Variants in NBDY observed in about 807,000 individuals in gnomAD.
The protein encoded by NBDY is P-body dissociating protein.
At chrX:56,767,602 G>C (rs2069673903) in intron 2 of NBDY, among the ~76,000 whole-genome samples, 2 of 113,552 alleles carry the variant, frequency 1.8e-5, no homozygotes, top group African/African-American at 6.4e-5. Context: ...AGTTGGACCT[G>C]CCTGCCCAGG....
At chrX:56,738,522 G>A (rs1295724114) in intron 2 of NBDY, among the ~76,000 whole-genome samples, 1 of 112,127 alleles carries the variant, frequency 8.9e-6, no homozygotes, top group Non-Finnish European at 1.9e-5. Context: ...TCAAATCTGG[G>A]CCTCTGGAAC....
chrX:56,730,440 G>A (rs1376254953), intron 1 of NBDY, among the ~76,000 whole-genome samples: 3 of 99,528 alleles, frequency 3.0e-5, no homozygotes, highest in Non-Finnish European at 4.0e-5. Context: ...GAACCTGGAA[G>A]GCAGAGGTTG....
intron 2 of NBDY, among the ~76,000 whole-genome samples, chrX:56,802,208 A>C (rs1003426425): frequency 2.7e-5 from 3 of 111,876 alleles, no homozygotes; most frequent in Non-Finnish European, 5.6e-5. Flanking sequence ...TTGGGCACCT[A>C]AGGCCTTCTC....
At chrX:56,790,997 C>T (rs1214749520) in intron 2 of NBDY, among the ~76,000 whole-genome samples, 1 of 112,476 alleles carries the variant, frequency 8.9e-6, no homozygotes, top group Non-Finnish European at 1.9e-5. Flanking sequence ...AAGGGGCTGA[C>T]GCTTTCTCTT....
intron 2 of NBDY, among the ~76,000 whole-genome samples, chrX:56,790,076 C>T (rs375018865): frequency 6.2e-4 from 69 of 111,396 alleles, no homozygotes; most frequent in African/African-American, 2.2e-3. Flanking sequence ...CAGTCGAGGA[C>T]AAATTATGCT....
chrX:56,785,893 C>G (rs1271711032), intron 2 of NBDY, among the ~76,000 whole-genome samples: 1 of 111,264 alleles, frequency 9.0e-6, no homozygotes. Flanking sequence ...ATTTTGTCCA[C>G]TTCTGTTTGG....
chrX:56,790,703 C>A (rs2069757746), intron 2 of NBDY, among the ~76,000 whole-genome samples: 1 of 112,005 alleles, frequency 8.9e-6, no homozygotes, highest in South Asian at 3.8e-4. Flanking sequence ...CTGTCTTCAT[C>A]TGTGCTTCCA....
intron 2 of NBDY, among the ~76,000 whole-genome samples, chrX:56,815,765 G>A (rs975898073): frequency 4.5e-5 from 5 of 111,510 alleles, no homozygotes; most frequent in Non-Finnish European, 9.4e-5. Flanking sequence ...AAACATGTTC[G>A]GAGTAATGTG....
chrX:56,780,889 A>T (rs1380973713), intron 2 of NBDY, among the ~76,000 whole-genome samples: 1 of 96,341 alleles, frequency 1.0e-5, no homozygotes, highest in African/African-American at 3.9e-5. Flanking sequence ...ATGCAGGAAG[A>T]TCTGGACTGC....
chrX:56,794,533 C>G (rs745993106), intron 2 of NBDY, among the ~76,000 whole-genome samples: 1 of 111,775 alleles, frequency 8.9e-6, no homozygotes, highest in Non-Finnish European at 1.9e-5. Flanking sequence ...TCTGCCTTCC[C>G]CCTTCCCTCT....
chrX:56,764,702 C>A (rs867726654), intron 2 of NBDY, among the ~76,000 whole-genome samples: 16 of 60,755 alleles, frequency 2.6e-4, no homozygotes, highest in Admixed American at 4.3e-4. Context: ...AAACAAACAC[C>A]AAAAAAAAAA....
At chrX:56,766,558 G>A (rs925078376) in intron 2 of NBDY, among the ~76,000 whole-genome samples, 1 of 111,932 alleles carries the variant, frequency 8.9e-6, no homozygotes, top group South Asian at 3.7e-4. Flanking sequence ...AACACACATC[G>A]CCACAGGCAT....
At chrX:56,810,580 C>T (rs936964366) in intron 2 of NBDY, among the ~76,000 whole-genome samples, 1 of 109,808 alleles carries the variant, frequency 9.1e-6, no homozygotes, top group African/African-American at 3.3e-5. Flanking sequence ...AGTTCTTGTG[C>T]TGTGTTTTTC....
At chrX:56,783,600 G>T (rs1360947431) in intron 2 of NBDY, among the ~76,000 whole-genome samples, 1 of 112,047 alleles carries the variant, frequency 8.9e-6, no homozygotes, top group East Asian at 2.8e-4. Flanking sequence ...TTGTTCTAGG[G>T]CTCTAAACCC....
chrX:56,733,054 T>C (rs2069468226), intron 2 of NBDY, among the ~76,000 whole-genome samples: 1 of 111,102 alleles, frequency 9.0e-6, no homozygotes, highest in African/African-American at 3.3e-5. Context: ...GCATCTTAAT[T>C]TTCAATGTTC....
At chrX:56,736,431 A>G (rs1005738091) in intron 2 of NBDY, among the ~76,000 whole-genome samples, 2 of 110,986 alleles carry the variant, frequency 1.8e-5, no homozygotes, top group African/African-American at 6.6e-5. Context: ...TGCCCGGCCA[A>G]TTTTCCGCAT....
chrX:56,739,280 ATT>A (rs1295165969), intron 2 of NBDY, among the ~76,000 whole-genome samples: 742 of 68,782 alleles, frequency 0.011, 13 homozygotes, highest in African/African-American at 0.046. Flanking sequence ...ATATATATAT[ATT>A]TTTATATATA....
chrX:56,799,922 C>A (rs766550031), intron 2 of NBDY, among the ~76,000 whole-genome samples: 1 of 111,003 alleles, frequency 9.0e-6, no homozygotes, highest in East Asian at 2.9e-4. Flanking sequence ...TCCCAGTAAT[C>A]CAGAGGAGCC....
chrX:56,751,811 A>G (rs2069587231), intron 2 of NBDY, among the ~76,000 whole-genome samples: 1 of 112,306 alleles, frequency 8.9e-6, no homozygotes, highest in South Asian at 3.7e-4. Context: ...TGTAGGGGCT[A>G]CATACGCAGG....
Sources: gnomAD v4.1 joint callset for allele counts (sites outside exome capture counted in the v4.1 genomes callset) on GRCh38, gnomAD v4.1.1 for gene constraint, MANE v1.5 for transcripts, NCBI Gene and HGNC (gene_info 2026-07-23, HGNC 2026-07-21) for gene names.